MGRN1: variants seen among roughly 807,000 people sequenced by gnomAD.
The protein encoded by MGRN1 is E3 ubiquitin-protein ligase MGRN1.
In MGRN1, 29 loss-of-function variants were observed where a neutral mutation model predicts 69.2. That is an observed-to-expected ratio of 0.42 (90% confidence interval 0.31 to 0.57). MGRN1 has a LOEUF of 0.57. MGRN1 is among the 20% of genes least tolerant of loss of function. The probability of loss-of-function intolerance (pLI) is 0.15; values close to 1 mark genes in which losing one functional copy is unlikely to be tolerated. For synonymous variants in MGRN1, 470 were observed against 344.2 expected, an observed-to-expected ratio of 1.37 and a Z score of -4.04; for missense variants, 998 against 796.2, an observed-to-expected ratio of 1.25 and a Z score of -3.05.
intron 16 of MGRN1, 139 bp from the exon 17 acceptor site, chr16:4,688,657 T>G: frequency 7.0e-7 from 1 of 1,437,620 alleles, no homozygotes; most frequent in Non-Finnish European, 9.2e-7. Flanking sequence ...CACATCTGAG[T>G]GAATGCTGTT....
At chr16:4,687,467 G>A in intron 16 of MGRN1, 15 of 955,182 alleles carry the variant, frequency 1.6e-5, no homozygotes, top group Non-Finnish European at 1.9e-5. Context: ...GATTGCCGGA[G>A]CTGGGGAGGT....
intron 16 of MGRN1, chr16:4,688,522 C>T: frequency 8.1e-7 from 1 of 1,230,688 alleles, no homozygotes; most frequent in South Asian, 3.1e-5. Context: ...CACCGCGGTG[C>T]CGTGTCGCGC....
At chr16:4,674,015 C>A (rs891941546) in intron 10 of MGRN1, among the ~76,000 whole-genome samples, 1 of 152,214 alleles carries the variant, frequency 6.6e-6, no homozygotes, top group Admixed American at 6.5e-5. Flanking sequence ...GAGACAGTTT[C>A]GTGCTGTCGC....
intron 8 of MGRN1, among the ~76,000 whole-genome samples, chr16:4,669,431 C>CAAAAAAAAAAAAAAAAAAAAAAAAAAAA: frequency 1.1e-5 from 1 of 93,024 alleles, no homozygotes; most frequent in Non-Finnish European, 2.1e-5. Flanking sequence ...AAGACTGTGT[C>CAAAAAAAAAAAAAAAAAAAAAAAAAAAA]AAAAAAAAAA....
chr16:4,681,942 G>T (rs566165324), intron 13 of MGRN1, among the ~76,000 whole-genome samples, 166 bp downstream of exon 13: 8 of 152,346 alleles, frequency 5.3e-5, no homozygotes, highest in Admixed American at 3.9e-4. Flanking sequence ...AGTTTATTAC[G>T]GCAAAGAACG....
rs1260180705 is a variant in MGRN1 at position 4,643,547 on chromosome 16, A to AT, written c.89-6812dup. 4.1e-5 allele frequency among the ~76,000 whole-genome samples: 6 copies of AT among 145,396 alleles called. No homozygotes were observed. In the East Asian group the frequency reaches 6.2e-4, roughly 15 times the overall value. ...CCACCACACCTGGCTAATTTTTTGT[A>AT]TTTTTTAGTAGAGACGGGGTTTCAC... On this transcript the variant is annotated intron_variant, in intron 1 of 16. Transcript: ENST00000262370.
At chr16:4,669,653 A>G (rs2078895740) in intron 8 of MGRN1, among the ~76,000 whole-genome samples, 1 of 152,230 alleles carries the variant, frequency 6.6e-6, no homozygotes, top group Non-Finnish European at 1.5e-5. Context: ...AAGGAAGGAA[A>G]GAGACCAGAA....
intron 2 of MGRN1, among the ~76,000 whole-genome samples, chr16:4,651,603 A>C (rs1285170148): frequency 4.0e-5 from 6 of 151,846 alleles, no homozygotes; most frequent in Admixed American, 3.9e-4. Context: ...TGCTCGTAGG[A>C]AGCTTTGGGG....
At chr16:4,625,447 C>G (rs1411091474) in intron 1 of MGRN1, among the ~76,000 whole-genome samples, 1 of 152,220 alleles carries the variant, frequency 6.6e-6, no homozygotes, top group African/African-American at 2.4e-5. Context: ...CGGGGGCCGG[C>G]TTTCGCTTTC....
intron 1 of MGRN1, among the ~76,000 whole-genome samples, chr16:4,625,398 G>T (rs1409252506): frequency 2.6e-5 from 4 of 152,242 alleles, no homozygotes; most frequent in African/African-American, 9.6e-5. Flanking sequence ...CATCGCTTCT[G>T]CCTAGAAAAC....
chr16:4,652,046 G>A lies in MGRN1; in HGVS notation c.291G>A (p.Leu97=), dbSNP rs773080421. 6.2e-7 allele frequency: 1 copy of A among 1,613,964 alleles called. No homozygotes were observed. Among genetic ancestry groups the A allele is most frequent in the Non-Finnish European group, 8.5e-7 (1 of 1,179,896 alleles). The part of the protein sequence containing the change: ...LVNIRKDSLR[L]VRYKDDADSP... ...ACATCCGCAAAGACTCCCTGCGGCT[G>A]GTGAGGTAACTTCACCCTGCCCCTG... The change falls in exon 3 of 17, where the codon CTG becomes CTA. Residue 97 remains leucine (L), a synonymous_variant. Transcript: ENST00000262370.
chr16:4,686,936 C>T (rs2079334465), intron 16 of MGRN1: 4 of 985,292 alleles, frequency 4.1e-6, no homozygotes, highest in South Asian at 4.7e-5. Context: ...AGTCCGTCCT[C>T]GAGGGGCCCT....
In MGRN1 at chr16:4,625,063, C is replaced by G; in HGVS notation, c.88+15C>G. 1 of 1,531,588 alleles carries G rather than the reference C, an allele frequency of 6.5e-7. No homozygotes were observed. 94.9% of individuals were successfully genotyped at this position (1,531,588 alleles called of 1,614,324 possible). On this transcript the variant is annotated intron_variant, in intron 1 of 16. Transcript: ENST00000262370. The stretch of plus-strand genomic sequence containing the variant: ...TCCGAAGTCCGGTGAGCGCCCGGCC[C>G]CAGGCGCGGACTGCTAGGCACGCGC...
intron 5 of MGRN1, among the ~76,000 whole-genome samples, chr16:4,660,304 C>T (rs2078647740): frequency 6.6e-6 from 1 of 152,226 alleles, no homozygotes; most frequent in South Asian, 2.1e-4. Context: ...GCAGGGTGGC[C>T]ACGAGGGGTC....
rs2078379932 is a variant in MGRN1, at chr16:4,650,428, G to T, written c.152G>T (p.Gly51Val). ...GEKFDTPHPE[G>V]YLFGENMDLN... is the part of the protein sequence containing the mutation. ...AAATTCGACACCCCCCACCCTGAAGGTTACCTCTTTGGAGAGAACATGGAT... is the reference window on the plus strand; with the variant it reads ...AAATTCGACACCCCCCACCCTGAAGTTTACCTCTTTGGAGAGAACATGGAT... The change falls in exon 2 of 17, where the codon GGT becomes GTT. Residue 51 changes from glycine to valine, a missense_variant. Coordinates refer to ENST00000262370, the MANE Select transcript of MGRN1 (RefSeq NM_015246.4). The T allele has an allele frequency of 4.3e-6, 7 of 1,613,998 alleles. No individual in the cohort carries two copies. Among genetic ancestry groups the T allele is most frequent in the African/African-American group, 1.3e-5 (1 of 74,914 alleles).
intron 7 of MGRN1, 62 bp from the exon 8 acceptor site, chr16:4,668,203 C>A: frequency 6.5e-7 from 1 of 1,544,624 alleles, no homozygotes. Flanking sequence ...CAGGCGGCCA[C>A]GCAGGGGTGC....
chr16:4,628,728 A>G (rs1307163697), intron 1 of MGRN1, among the ~76,000 whole-genome samples: 6 of 152,138 alleles, frequency 3.9e-5, no homozygotes, highest in Non-Finnish European at 8.8e-5. Flanking sequence ...AATTTTTGGT[A>G]CAGATGAGGT....
intron 1 of MGRN1, 148 bp from the exon 2 acceptor site, chr16:4,650,217 C>T (rs891852669): frequency 2.9e-5 from 17 of 576,926 alleles, no homozygotes; most frequent in Non-Finnish European, 3.9e-5. Context: ...GCAGAAGAAT[C>T]GCTTGAACCC....
chr16:4,629,153 TG>T (rs200777016), intron 1 of MGRN1, among the ~76,000 whole-genome samples: 28,256 of 141,582 alleles, frequency 0.2, 2,817 homozygotes, highest in Middle Eastern at 0.29. Flanking sequence ...TGTTCGTATG[TG>T]TGTGTGTGTG....
Sources: gnomAD v4.1 joint callset for allele counts (sites outside exome capture counted in the v4.1 genomes callset) on GRCh38, gnomAD v4.1.1 for gene constraint, MANE v1.5 for transcripts, NCBI Gene and HGNC (gene_info 2026-07-23, HGNC 2026-07-21) for gene names.